SPATA16: variants seen among roughly 807,000 people sequenced by gnomAD.
The protein encoded by SPATA16 is spermatogenesis-associated protein 16.
In SPATA16, 36 loss-of-function variants were observed where a neutral mutation model predicts 63.3. The ratio of observed to expected loss-of-function variants is 0.57; its 90% CI spans 0.44 to 0.75. SPATA16 has a LOEUF of 0.75. Among genes scored for constraint, SPATA16 ranks in the 30% least tolerant of loss-of-function variants. The pLI is 0.00. For synonymous variants in SPATA16, 203 were observed against 216.7 expected (o/e 0.94, Z 0.56); for missense variants, 646 against 679.3 (o/e 0.95, Z 0.54).
chr3:172,992,798 C>T (rs1425661795), intron 4 of SPATA16, among the ~76,000 whole-genome samples: 1 of 152,050 alleles, frequency 6.6e-6, no homozygotes, highest in Non-Finnish European at 1.5e-5. Flanking sequence ...AGGACTCCTC[C>T]CATCAAAGGG....
intron 5 of SPATA16, among the ~76,000 whole-genome samples, chr3:172,975,370 GAAT>G (rs761765842): frequency 7.9e-5 from 12 of 152,090 alleles, no homozygotes; most frequent in Non-Finnish European, 1.5e-4. Context: ...TTTGTTTAAT[GAAT>G]AATTAAATTA....
At chr3:172,959,733 T>A (rs1338332857) in intron 5 of SPATA16, among the ~76,000 whole-genome samples, 15 of 150,524 alleles carry the variant, frequency 1.0e-4, no homozygotes, top group African/African-American at 3.7e-4. Flanking sequence ...ACAGACAATC[T>A]TGAGGCTTTG....
chr3:172,981,193 T>C (rs1218001530), intron 4 of SPATA16, among the ~76,000 whole-genome samples: 1 of 152,172 alleles, frequency 6.6e-6, no homozygotes, highest in Non-Finnish European at 1.5e-5. Context: ...TGCAGTTATC[T>C]TCCCAGCATT....
intron 4 of SPATA16, among the ~76,000 whole-genome samples, chr3:172,995,863 C>T (rs778783037): frequency 3.3e-5 from 5 of 152,106 alleles, no homozygotes; most frequent in Non-Finnish European, 7.4e-5. Context: ...ACTTCAACAA[C>T]TTACATAATT....
chr3:173,129,299 A>G (rs545613721), intron 1 of SPATA16, among the ~76,000 whole-genome samples: 1 of 152,334 alleles, frequency 6.6e-6, no homozygotes, highest in Admixed American at 6.5e-5. Context: ...TTGGAGAGAT[A>G]TGAGTTCAAA....
chr3:173,068,141 T>A (rs9818830), intron 2 of SPATA16, among the ~76,000 whole-genome samples: 28,286 of 152,040 alleles, frequency 0.19, 2,988 homozygotes, highest in African/African-American at 0.29. Context: ...TAACAAGAAA[T>A]CATCTGAAGG....
intron 2 of SPATA16, among the ~76,000 whole-genome samples, chr3:173,059,050 G>A (rs1361357696): frequency 1.3e-5 from 2 of 151,850 alleles, no homozygotes; most frequent in Non-Finnish European, 2.9e-5. Flanking sequence ...TGTCCTTACA[G>A]TAGAGAACAT....
intron 6 of SPATA16, among the ~76,000 whole-genome samples, chr3:172,937,325 T>C (rs1171732874): frequency 6.6e-6 from 1 of 152,166 alleles, no homozygotes; most frequent in Non-Finnish European, 1.5e-5. Flanking sequence ...CTTCAGTTAG[T>C]TATTAAATGT....
intron 2 of SPATA16, among the ~76,000 whole-genome samples, chr3:173,051,361 C>G (rs771226225): frequency 2.5e-4 from 38 of 152,140 alleles, no homozygotes; most frequent in Admixed American, 1.5e-3. Flanking sequence ...TGCCACCACG[C>G]CCGGCTAATT....
At chr3:173,099,468 C>T (rs67283610) in intron 2 of SPATA16, among the ~76,000 whole-genome samples, 3,955 of 152,038 alleles carry the variant, frequency 0.026, 64 homozygotes, top group Non-Finnish European at 0.035. Flanking sequence ...TTCAGGAATC[C>T]CCTGGGGGTC....
chr3:172,891,671 A>G (rs1270249619), intron 10 of SPATA16, among the ~76,000 whole-genome samples: 2 of 152,200 alleles, frequency 1.3e-5, no homozygotes, highest in African/African-American at 4.8e-5. Context: ...GCTGTCTAAC[A>G]TCAATCCATC....
intron 2 of SPATA16, among the ~76,000 whole-genome samples, chr3:173,069,112 G>GAAAAAAAAAAAAAAAAAAAAAA (rs541801266): frequency 1.3e-4 from 14 of 109,090 alleles, no homozygotes; most frequent in African/African-American, 4.8e-4. Context: ...TCCGTCTCAA[G>GAAAAAAAAAAAAAAAAAAAAAA]AAAAAAAAAA....
intron 4 of SPATA16, among the ~76,000 whole-genome samples, chr3:173,017,693 A>G (rs1735224905): frequency 6.6e-6 from 1 of 152,220 alleles, no homozygotes; most frequent in Non-Finnish European, 1.5e-5. Flanking sequence ...CACCACTAGC[A>G]TTCTTTTACT....
At chr3:172,996,116 G>A (rs1407129734) in intron 4 of SPATA16, among the ~76,000 whole-genome samples, 3 of 151,914 alleles carry the variant, frequency 2.0e-5, no homozygotes, top group African/African-American at 7.3e-5. Flanking sequence ...TTTCAAATTA[G>A]TTTTGCTTGA....
intron 2 of SPATA16, among the ~76,000 whole-genome samples, chr3:173,114,597 G>A (rs1020415027): frequency 6.6e-6 from 1 of 152,218 alleles, no homozygotes; most frequent in Non-Finnish European, 1.5e-5. Flanking sequence ...CAACATTTAT[G>A]TATGAGAGAA....
At chr3:172,926,032 G>A (rs1366799060) in intron 6 of SPATA16, among the ~76,000 whole-genome samples, 2 of 151,980 alleles carry the variant, frequency 1.3e-5, no homozygotes, top group Non-Finnish European at 1.5e-5. Flanking sequence ...CACCATGTTG[G>A]CCAGGCTAGT....
At chr3:172,994,280 A>G (rs1734648367) in intron 4 of SPATA16, among the ~76,000 whole-genome samples, 1 of 152,130 alleles carries the variant, frequency 6.6e-6, no homozygotes, top group Non-Finnish European at 1.5e-5. Context: ...TTTAAGTTCA[A>G]TTAGCATTCA....
rs149472847 is a variant in SPATA16 at position 173,081,434 on chromosome 3, G to A, written c.613-32340C>T. 1.2e-3 allele frequency among the ~76,000 whole-genome samples: 179 copies of A among 152,192 alleles called. 1 individual carries two copies. In the Middle Eastern group the frequency reaches 0.044, roughly 38 times the overall value. On this transcript the variant is annotated intron_variant, in intron 2 of 10. Coordinates refer to ENST00000351008, the MANE Select transcript of SPATA16 (RefSeq NM_031955.6). ...CAAGAACCATTTGGGAGAATGAGTC[G>A]CTTCCTGGTCTAAGCACCAGCTCCA...
intron 2 of SPATA16, among the ~76,000 whole-genome samples, chr3:173,100,667 C>A (rs1000970338): frequency 3.8e-5 from 3 of 78,450 alleles, no homozygotes; most frequent in Non-Finnish European, 8.2e-5. Flanking sequence ...ACAGCACACA[C>A]ACACACACAC....
Sources: allele counts gnomAD v4.1 joint callset (sites outside exome capture counted in the v4.1 genomes callset), GRCh38; gene constraint gnomAD v4.1.1; transcripts MANE v1.5; gene names NCBI Gene and HGNC (gene_info 2026-07-23, HGNC 2026-07-21).